The following RBMS3 variants were observed in gnomAD, a reference collection of about 807,000 sequenced individuals.
RBMS3 encodes the protein RNA-binding motif, single-stranded-interacting protein 3.
Under a neutral mutation model 66.8 loss-of-function variants are expected in RBMS3, and 27 were observed. The ratio of observed to expected loss-of-function variants is 0.40; its 90% CI spans 0.30 to 0.56. The LOEUF (loss-of-function observed/expected upper bound fraction) is 0.56. Among genes scored for constraint, RBMS3 ranks in the 20% least tolerant of loss-of-function variants. RBMS3 has a pLI of 0.40. For synonymous variants in RBMS3, 188 were observed against 183.0 expected (o/e 1.03, Z -0.22); for missense variants, 513 against 549.5 (o/e 0.93, Z 0.66).
intron 14 of RBMS3, among the ~76,000 whole-genome samples, chr3:29,997,915 C>G (rs960216133): frequency 1.3e-5 from 2 of 152,100 alleles, no homozygotes; most frequent in African/African-American, 4.8e-5. Context: ...GAAGTTCTGG[C>G]CAGGGCAATC....
At chr3:29,874,463 G>A (rs1009898567) in intron 7 of RBMS3, among the ~76,000 whole-genome samples, 6 of 152,032 alleles carry the variant, frequency 3.9e-5, no homozygotes, top group African/African-American at 1.4e-4. Context: ...GCAATTCGTT[G>A]TCCAAATTTT....
intron 3 of RBMS3, among the ~76,000 whole-genome samples, chr3:29,496,640 A>C (rs960177862): frequency 1.3e-5 from 2 of 152,242 alleles, no homozygotes; most frequent in African/African-American, 4.8e-5. Flanking sequence ...ACTACAACTA[A>C]AGGCAATACT....
At chr3:29,593,340 A>G (rs940713615) in intron 4 of RBMS3, among the ~76,000 whole-genome samples, 1 of 152,116 alleles carries the variant, frequency 6.6e-6, no homozygotes, top group East Asian at 1.9e-4. Context: ...TTTTGTTTTT[A>G]TCATTCCTAG....
intron 6 of RBMS3, among the ~76,000 whole-genome samples, chr3:29,827,433 T>C (rs1323279032): frequency 6.6e-6 from 1 of 152,206 alleles, no homozygotes; most frequent in Non-Finnish European, 1.5e-5. Flanking sequence ...TTCCCTCATA[T>C]CTATATTACT....
At chr3:29,981,051 TC>T (rs1236031521) in intron 12 of RBMS3, among the ~76,000 whole-genome samples, 1 of 152,236 alleles carries the variant, frequency 6.6e-6, no homozygotes, top group African/African-American at 2.4e-5. Flanking sequence ...TATTGATTCT[TC>T]CTATCCATGA....
At position 29,957,749 on chromosome 3, in the gene RBMS3, T is replaced by C. The variant is rs1170648533; in HGVS notation, c.1098+13495T>C. Among the ~76,000 whole-genome samples, 3 of 152,278 alleles carry C rather than the reference T, an allele frequency of 2.0e-5. No individual in the cohort carries two copies. In the East Asian group the frequency reaches 5.8e-4, roughly 29 times the overall value. On this transcript the variant is annotated intron_variant, in intron 12 of 14. Coordinates refer to ENST00000383767, the MANE Select transcript of RBMS3 (RefSeq NM_001003793.3). ...ATCTTACTAACATCCTCATAATTGA[T>C]TCCCCAGTGTCACCTTGTAAAAGTA...
intron 4 of RBMS3, among the ~76,000 whole-genome samples, chr3:29,620,787 T>C (rs1439082603): frequency 1.3e-5 from 2 of 152,124 alleles, no homozygotes; most frequent in Non-Finnish European, 2.9e-5. Context: ...CCTGGCTATT[T>C]TGAAATTTTT....
intron 12 of RBMS3, among the ~76,000 whole-genome samples, chr3:29,985,997 G>A (rs934496865): frequency 6.6e-6 from 1 of 152,160 alleles, no homozygotes; most frequent in African/African-American, 2.4e-5. Context: ...ATGGACCAGA[G>A]TAGTATTCTA....
chr3:29,416,835 A>C (rs2040496815), intron 1 of RBMS3, among the ~76,000 whole-genome samples: 1 of 152,160 alleles, frequency 6.6e-6, no homozygotes, highest in South Asian at 2.1e-4. Context: ...GCCAGAAGCG[A>C]ACTCTGTGCA....
Position 29,887,608 on chromosome 3 carries a change from A to C in RBMS3, c.791+3400A>C, listed in dbSNP as rs551039867. Among the ~76,000 whole-genome samples the C allele has an allele frequency of 7.9e-5, 12 of 151,860 alleles. No individual in the cohort carries two copies. The South Asian group carries it at 2.5e-3, about 31-fold the overall frequency. On this transcript the variant is annotated intron_variant, in intron 8 of 14. Transcript: ENST00000383767. ...ACCTCTATTCCTTTATAAATTACCC[A>C]GTTTCAGGCAGTTCTTTATAGTGGT... is the stretch of plus-strand genomic sequence containing the variant.
chr3:29,480,430 G>A (rs2043090635), intron 2 of RBMS3, among the ~76,000 whole-genome samples: 1 of 152,170 alleles, frequency 6.6e-6, no homozygotes, highest in Admixed American at 6.5e-5. Context: ...TGATGGAAGA[G>A]AAGGGGTAAG....
chr3:29,798,632 G>A (rs1004248045), intron 6 of RBMS3, among the ~76,000 whole-genome samples: 7 of 152,168 alleles, frequency 4.6e-5, no homozygotes, highest in Non-Finnish European at 8.8e-5. Flanking sequence ...CACTGTTGTT[G>A]TTGGCATGTT....
rs188292976 is a variant in RBMS3, at chr3:29,394,849, C to T, written c.76-39894C>T. On this transcript the variant is annotated intron_variant, in intron 1 of 14. Transcript: ENST00000383767. The stretch of plus-strand genomic sequence containing the variant: ...GCTTCAGCCACAGTGGCCTCTTTGC[C>T]GGACCTCAGATTTGGCCTTTCTTCA... Among the ~76,000 whole-genome samples the T allele has an allele frequency of 2.0e-4, 31 of 152,298 alleles. No individual in the cohort carries two copies. The East Asian group carries it at 3.9e-3, about 19-fold the overall frequency.
chr3:29,782,024 GC>G (rs55705614), intron 6 of RBMS3, among the ~76,000 whole-genome samples: 74,484 of 151,488 alleles, frequency 0.49, 18,603 homozygotes, highest in East Asian at 0.64. Flanking sequence ...GCTTATCCCT[GC>G]CCCCCACCTG....
chr3:29,959,511 G>C (rs1034358762), intron 12 of RBMS3, among the ~76,000 whole-genome samples: 2 of 152,146 alleles, frequency 1.3e-5, no homozygotes, highest in African/African-American at 4.8e-5. Context: ...TGGTGAGTTT[G>C]AGAACCACTT....
At chr3:29,338,978 G>A (rs2036122831) in intron 1 of RBMS3, among the ~76,000 whole-genome samples, 1 of 152,070 alleles carries the variant, frequency 6.6e-6, no homozygotes, top group Non-Finnish European at 1.5e-5. Flanking sequence ...GTTAGTCTCT[G>A]CCACTCTTGC....
At chr3:29,531,793 C>G (rs2045360324) in intron 3 of RBMS3, among the ~76,000 whole-genome samples, 1 of 152,174 alleles carries the variant, frequency 6.6e-6, no homozygotes, top group South Asian at 2.1e-4. Flanking sequence ...CAAATTTGGA[C>G]ATAAACTTCA....
intron 1 of RBMS3, among the ~76,000 whole-genome samples, chr3:29,359,362 T>A (rs565673488): frequency 6.6e-6 from 1 of 152,208 alleles, no homozygotes; most frequent in Non-Finnish European, 1.5e-5. Context: ...TTGATTTTCG[T>A]ATGTTGAACC....
intron 1 of RBMS3, among the ~76,000 whole-genome samples, chr3:29,416,725 C>CAGGAACGTGCTGG (rs923670014): frequency 1.3e-5 from 2 of 152,142 alleles, no homozygotes; most frequent in African/African-American, 4.8e-5. Flanking sequence ...GGCATTGTGG[C>CAGGAACGTGCTGG]AGGAACGTGC....
Sources: allele counts gnomAD v4.1 joint callset (sites outside exome capture counted in the v4.1 genomes callset), GRCh38; gene constraint gnomAD v4.1.1; transcripts MANE v1.5; gene names NCBI Gene and HGNC (gene_info 2026-07-23, HGNC 2026-07-21).